Variants in VSNL1 observed in about 807,000 individuals in gnomAD.
VSNL1 encodes the protein visinin like 1, also known as visinin-like protein 1.
In VSNL1, 6 loss-of-function variants were observed where a neutral mutation model predicts 20.4. The ratio of observed to expected loss-of-function variants is 0.29; its 90% CI spans 0.16 to 0.58. The LOEUF is 0.58. Among genes scored for constraint, VSNL1 ranks in the 20% least tolerant of loss-of-function variants. The pLI, the probability that VSNL1 is intolerant of heterozygous loss-of-function variation, is 0.90. For synonymous variants in VSNL1, 93 were observed against 86.4 expected (o/e 1.08, Z -0.42); for missense variants, 100 against 234.5 (o/e 0.43, Z 3.75).
intron 2 of VSNL1, among the ~76,000 whole-genome samples, chr2:17,592,640 C>CTTTTTTTTTTTTTTTTTT (rs55756596): frequency 1.1e-4 from 8 of 70,858 alleles, no homozygotes; most frequent in African/African-American, 3.4e-4. Context: ...CTCTCTCTCT[C>CTTTTTTTTTTTTTTTTTT]TTTTTTTTTT....
chr2:17,632,966 C>G (rs1178199301), intron 2 of VSNL1, among the ~76,000 whole-genome samples: 1 of 152,122 alleles, frequency 6.6e-6, no homozygotes, highest in East Asian at 1.9e-4. Context: ...CCACTCTGAC[C>G]AATATGGTGA....
chr2:17,583,627 C>T (rs1664401258), intron 1 of VSNL1, among the ~76,000 whole-genome samples: 1 of 152,224 alleles, frequency 6.6e-6, no homozygotes, highest in East Asian at 1.9e-4. Flanking sequence ...AATCAGCTCA[C>T]ACTTCTGTTC....
chr2:17,648,560 A>G (rs1666050080), intron 2 of VSNL1, among the ~76,000 whole-genome samples: 1 of 152,224 alleles, frequency 6.6e-6, no homozygotes, highest in Non-Finnish European at 1.5e-5. Context: ...CTCTGCTTTA[A>G]AATAGCACAT....
At chr2:17,581,870 T>C (rs1412458204) in intron 1 of VSNL1, among the ~76,000 whole-genome samples, 3 of 152,210 alleles carry the variant, frequency 2.0e-5, no homozygotes, top group East Asian at 3.8e-4. Context: ...AGCAGTGGGC[T>C]CTGAACTAGT....
chr2:17,614,711 T>A (rs533150073), intron 2 of VSNL1, among the ~76,000 whole-genome samples: 1 of 152,332 alleles, frequency 6.6e-6, no homozygotes, highest in African/African-American at 2.4e-5. Flanking sequence ...CCTAAGGCAA[T>A]TCAAATATTT....
At chr2:17,613,390 T>C (rs1258087500) in intron 2 of VSNL1, among the ~76,000 whole-genome samples, 1 of 152,236 alleles carries the variant, frequency 6.6e-6, no homozygotes, top group African/African-American at 2.4e-5. Context: ...ATTATACATG[T>C]ACCTACACCC....
intron 1 of VSNL1, among the ~76,000 whole-genome samples, chr2:17,552,670 A>C (rs1365737630): frequency 2.0e-5 from 3 of 151,940 alleles, no homozygotes; most frequent in Middle Eastern, 3.2e-3. Flanking sequence ...TTAGCACAGC[A>C]AAAAAAATCA....
intron 2 of VSNL1, among the ~76,000 whole-genome samples, chr2:17,639,200 GA>G (rs1401725314): frequency 6.6e-6 from 1 of 152,176 alleles, no homozygotes; most frequent in Non-Finnish European, 1.5e-5. Context: ...TGCTTCGATG[GA>G]AATATTGGTT....
intron 1 of VSNL1, among the ~76,000 whole-genome samples, chr2:17,555,073 T>G (rs1245728637): frequency 2.0e-5 from 3 of 152,202 alleles, no homozygotes; most frequent in African/African-American, 7.2e-5. Flanking sequence ...GACTACAGGC[T>G]GCATAGTGTC....
At chr2:17,541,487 A>C (rs1663283902) in intron 1 of VSNL1, 1 of 152,142 alleles carries the variant, frequency 6.6e-6, no homozygotes, top group Admixed American at 6.5e-5. Flanking sequence ...ATGAGTAGAT[A>C]ATTTTTTTCG....
chr2:17,620,142 C>T (rs1665322548), intron 2 of VSNL1, among the ~76,000 whole-genome samples: 1 of 152,148 alleles, frequency 6.6e-6, no homozygotes, highest in Admixed American at 6.5e-5. Context: ...CTGGAAGGCA[C>T]ATTGGGAAAC....
intron 2 of VSNL1, among the ~76,000 whole-genome samples, chr2:17,595,594 C>A (rs972120331): frequency 2.6e-5 from 4 of 152,146 alleles, no homozygotes; most frequent in Non-Finnish European, 5.9e-5. Flanking sequence ...ATAATATTCC[C>A]CCAAATTCAT....
chr2:17,641,160 G>A (rs1269597275), intron 2 of VSNL1, among the ~76,000 whole-genome samples: 2 of 152,214 alleles, frequency 1.3e-5, no homozygotes, highest in Non-Finnish European at 2.9e-5. Flanking sequence ...AGGGTGAAAT[G>A]AGAATCGATC....
chr2:17,611,544 G>A (rs1665087509), intron 2 of VSNL1, among the ~76,000 whole-genome samples: 1 of 152,228 alleles, frequency 6.6e-6, no homozygotes, highest in African/African-American at 2.4e-5. Flanking sequence ...GTGGGGATAG[G>A]CTCCATCCAG....
rs2103415728 is a variant in VSNL1 at position 17,634,861 on chromosome 2, G to A, written c.163-14549G>A. ...CAGCCAGAGCCTCCTTGTCCCATGG[G>A]TCCCGCTGCAGGGAGTTACTGCTCC... On this transcript the variant is annotated intron_variant, in intron 2 of 3. Coordinates refer to ENST00000295156, the MANE Select transcript of VSNL1 (RefSeq NM_003385.5). This position sits in a 1 kb window ranked among gnomAD's most constrained non-coding sequence, Gnocchi z 4.3. Among the ~76,000 whole-genome samples the A allele has an allele frequency of 6.6e-6, 1 of 152,180 alleles. No individual in the cohort carries two copies. Among genetic ancestry groups the A allele is most frequent in the East Asian group, 1.9e-4 (1 of 5,170 alleles).
intron 2 of VSNL1, among the ~76,000 whole-genome samples, chr2:17,593,489 A>C (rs1421532790): frequency 1.3e-5 from 2 of 152,210 alleles, no homozygotes; most frequent in Non-Finnish European, 2.9e-5. Context: ...AAAAGCAGGG[A>C]AGTGATGAAC....
chr2:17,623,866 A>G (rs4375864), intron 2 of VSNL1, among the ~76,000 whole-genome samples: 3 of 152,230 alleles, frequency 2.0e-5, no homozygotes, highest in Non-Finnish European at 4.4e-5. Context: ...TTAATAGCTT[A>G]CATTAAATAA....
At chr2:17,616,656 C>T (rs1237745727) in intron 2 of VSNL1, among the ~76,000 whole-genome samples, 2 of 152,232 alleles carry the variant, frequency 1.3e-5, no homozygotes, top group African/African-American at 4.8e-5. Flanking sequence ...TCTCCACTTC[C>T]TGTAGGTCAG....
At chr2:17,611,462 GA>G (rs1665084564) in intron 2 of VSNL1, among the ~76,000 whole-genome samples, 1 of 152,232 alleles carries the variant, frequency 6.6e-6, no homozygotes, top group Non-Finnish European at 1.5e-5. Flanking sequence ...GACAAAGCTT[GA>G]ATAGAGATAA....
Sources: allele counts gnomAD v4.1 joint callset (sites outside exome capture counted in the v4.1 genomes callset), GRCh38; gene constraint gnomAD v4.1.1; non-coding constraint Gnocchi (gnomAD v3.1); transcripts MANE v1.5; gene names NCBI Gene and HGNC (gene_info 2026-07-23, HGNC 2026-07-21).